Variants in NDST1 observed in about 807,000 individuals in gnomAD.
NDST1 encodes bifunctional heparan sulfate N-deacetylase/N-sulfotransferase 1.
A neutral mutation model predicts 92.8 loss-of-function variants in NDST1; 35 were observed. The observed-to-expected ratio is 0.38, with a 90% CI of 0.29 to 0.50. The LOEUF (loss-of-function observed/expected upper bound fraction) is 0.50. Among genes scored for constraint, NDST1 ranks in the 20% least tolerant of loss-of-function variants. The probability of loss-of-function intolerance (pLI) is 0.94; values close to 1 mark genes in which losing one functional copy is unlikely to be tolerated. For synonymous variants in NDST1, 493 were observed against 500.3 expected (o/e 0.99, Z 0.19); for missense variants, 822 against 1,182.7 (o/e 0.69, Z 4.47).
At chr5:150,543,118 G>A (rs1581402205) in intron 10 of NDST1, 147 bp downstream of exon 10, 1 of 1,121,080 alleles carries the variant, frequency 8.9e-7, no homozygotes. Flanking sequence ...AGTGACCCTT[G>A]AATCATGGTG....
intron 1 of NDST1, among the ~76,000 whole-genome samples, chr5:150,519,640 A>T (rs1430009133): frequency 6.6e-6 from 1 of 151,936 alleles, no homozygotes; most frequent in Non-Finnish European, 1.5e-5. Context: ...GCGAGCCGAG[A>T]TTGCACCATT....
chr5:150,553,140 C>T lies in NDST1; in HGVS notation c.2530-73C>T, dbSNP rs544682497. On this transcript the variant is annotated intron_variant, in intron 14 of 14. Coordinates refer to ENST00000261797, the MANE Select transcript of NDST1 (RefSeq NM_001543.5). This position sits in a 1 kb window ranked among gnomAD's most constrained non-coding sequence, Gnocchi z 4.2. Reference sequence around the variant, plus strand: ...ACAGGCATGAGCCACCGTGCCCGGCCGAGCATGGCGATTTTTAGAGGAGGT... The same window carrying T: ...ACAGGCATGAGCCACCGTGCCCGGCTGAGCATGGCGATTTTTAGAGGAGGT... 428 of 1,547,834 alleles carry T rather than the reference C, an allele frequency of 2.8e-4. No individual in the cohort carries two copies. Among genetic ancestry groups the T allele is most frequent in the African/African-American group, 3.4e-4 (25 of 73,196 alleles).
chr5:150,525,157 G>A (rs2151274895), intron 2 of NDST1, among the ~76,000 whole-genome samples: 1 of 152,274 alleles, frequency 6.6e-6, no homozygotes, highest in Non-Finnish European at 1.5e-5. Context: ...TGAGGAGCAA[G>A]AGGGATTTCC....
chr5:150,527,718 G>A lies in NDST1; in HGVS notation c.514-86G>A, dbSNP rs1008258319. 2.5e-6 allele frequency: 4 copies of A among 1,586,618 alleles called. No individual in the cohort carries two copies. In the African/African-American group the frequency reaches 4.0e-5, roughly 16 times the overall value. On this transcript the variant is annotated intron_variant, in intron 2 of 14. Coordinates refer to ENST00000261797, the MANE Select transcript of NDST1 (RefSeq NM_001543.5). ...AATGTTGGTGAATATTGATACCACTGTTATGGTCCACATGTGAGAGACTGT... is the reference window on the plus strand; with the variant it reads ...AATGTTGGTGAATATTGATACCACTATTATGGTCCACATGTGAGAGACTGT...
intron 10 of NDST1, among the ~76,000 whole-genome samples, chr5:150,543,563 T>C (rs1755342854): frequency 6.6e-6 from 1 of 152,222 alleles, no homozygotes; most frequent in Non-Finnish European, 1.5e-5. Context: ...TATTTGCCTT[T>C]TTTCTTTCTT....
intron 1 of NDST1, among the ~76,000 whole-genome samples, chr5:150,520,608 C>T (rs1754203942): frequency 6.6e-6 from 1 of 152,186 alleles, no homozygotes; most frequent in Admixed American, 6.5e-5. Context: ...CTAGGTACTG[C>T]TTTAAGTCGT....
chr5:150,533,103 C>T, intron 4 of NDST1, 71 bp downstream of exon 4: 1 of 1,446,838 alleles, frequency 6.9e-7, no homozygotes, highest in East Asian at 2.3e-5. Flanking sequence ...TCAAAGCACC[C>T]ATCCATGAGG....
rs189585838 is a variant in NDST1, at chr5:150,553,187, G to A, written c.2530-26G>A. 6.2e-7 allele frequency: 1 copy of A among 1,609,332 alleles called. No homozygotes were observed. Among genetic ancestry groups the A allele is most frequent in the South Asian group, 1.1e-5 (1 of 90,912 alleles). On this transcript the variant is annotated intron_variant, in intron 14 of 14. Transcript: ENST00000261797. This position sits in a 1 kb window ranked among gnomAD's most constrained non-coding sequence, Gnocchi z 4.2. ...AGGTCACTCTTAAGTCAGTACACAAGGTCTGAGCTTTCCTTCCCGTTACAG... is the reference window on the plus strand; with the variant it reads ...AGGTCACTCTTAAGTCAGTACACAAAGTCTGAGCTTTCCTTCCCGTTACAG...
At chr5:150,511,270 C>T (rs992892047) in intron 1 of NDST1, among the ~76,000 whole-genome samples, 1 of 152,208 alleles carries the variant, frequency 6.6e-6, no homozygotes, top group South Asian at 2.1e-4. Flanking sequence ...GGCAAGGGCA[C>T]AAGGCTCTTG....
In NDST1 at chr5:150,549,755, G is replaced by A. The variant is rs773106073; in HGVS notation, c.2394G>A (p.Val798=). ...VMDMVQKFLG[V]TNTIDYHKTL... is the part of the protein sequence containing the mutation. The stretch of plus-strand genomic sequence containing the variant: ...ACATGGTGCAGAAGTTCCTTGGGGT[G>A]ACCAACACCATTGACTACCACAAAA... Residue 798 remains valine, a synonymous_variant, in exon 13 of 15, where the codon GTG becomes GTA. Coordinates refer to ENST00000261797, the MANE Select transcript of NDST1 (RefSeq NM_001543.5). 1.9e-6 allele frequency: 3 copies of A among 1,613,324 alleles called. No individual in the cohort carries two copies. Among genetic ancestry groups the A allele is most frequent in the African/African-American group, 1.3e-5 (1 of 74,908 alleles).
intron 3 of NDST1, 146 bp downstream of exon 3, chr5:150,528,444 G>T (rs1754569311): frequency 8.6e-6 from 8 of 924,966 alleles, no homozygotes; most frequent in Non-Finnish European, 1.1e-5. Flanking sequence ...TTCCTGTCCT[G>T]CCAGTTGGTT....
chr5:150,511,656 T>C (rs1753727101), intron 1 of NDST1, among the ~76,000 whole-genome samples: 2 of 152,000 alleles, frequency 1.3e-5, no homozygotes, highest in Admixed American at 1.3e-4. Context: ...CAACAGTCTC[T>C]TTCCCGGTGG....
At position 150,541,560 on chromosome 5, in the gene NDST1, G is replaced by A. The variant is rs1407743825; in HGVS notation, c.1750-10G>A. 1.2e-6 allele frequency: 2 copies of A among 1,614,062 alleles called. No homozygotes were observed. The highest frequency in any genetic ancestry group is 1.7e-4 in the Middle Eastern group (1 of 6,060). ...GGGCGCCCCACACATCCCTTCCACT[G>A]TTGTTTTAGGACCCCTGCGAGGACA... is the stretch of plus-strand genomic sequence containing the variant. On this transcript the variant is annotated splice_polypyrimidine_tract_variant and intron_variant, in intron 8 of 14. Transcript: ENST00000261797.
At chr5:150,533,062 C>T (rs1397836158) in intron 4 of NDST1, 30 bp downstream of exon 4, 1 of 1,599,360 alleles carries the variant, frequency 6.3e-7, no homozygotes, top group Admixed American at 1.7e-5. Flanking sequence ...CCCTCACTAG[C>T]AACTTCCAGG....
intron 1 of NDST1, among the ~76,000 whole-genome samples, chr5:150,502,250 C>T (rs770697550): frequency 4.6e-5 from 7 of 151,854 alleles, no homozygotes; most frequent in South Asian, 2.1e-4. Flanking sequence ...AGAGGTTGGG[C>T]GAGTCAGTGG....
At chr5:150,552,577 C>T (rs1251554694) in intron 14 of NDST1, 1 of 178,272 alleles carries the variant, frequency 5.6e-6, no homozygotes, top group African/African-American at 2.4e-5. Flanking sequence ...AGCCTCGACC[C>T]CCTGGGCTCA....
At chr5:150,498,384 G>C (rs1753086473) in intron 1 of NDST1, 1 of 152,258 alleles carries the variant, frequency 6.6e-6, no homozygotes, top group Non-Finnish European at 1.5e-5. Flanking sequence ...GTAAAAGTTT[G>C]CTGTTGGTAG....
At chr5:150,541,696 C>T (rs1025386207) in intron 9 of NDST1, 30 bp downstream of exon 9, 1 of 1,595,508 alleles carries the variant, frequency 6.3e-7, no homozygotes, top group African/African-American at 1.3e-5. Flanking sequence ...ACCGAGCTTC[C>T]CCAACTGCCT....
Position 150,553,807 on chromosome 5 carries a change from GC to G in NDST1, c.*477del, listed in dbSNP as rs1408012322. ...GTTTCGAGCCAGGCTCTTCCAAGGG[GC>G]CAGCTGGGTCCCCGGAGTCAGTCCT... On this transcript the variant is annotated 3_prime_UTR_variant, in exon 15 of 15. Transcript: ENST00000261797. This position sits in a 1 kb window ranked among gnomAD's most constrained non-coding sequence, Gnocchi z 4.2. The G allele has an allele frequency of 2.2e-6, 1 of 453,826 alleles. No homozygotes were observed. 28.1% of individuals were successfully genotyped at this position (453,826 alleles called of 1,614,324 possible).
Sources: gnomAD v4.1 joint callset for allele counts (sites outside exome capture counted in the v4.1 genomes callset) on GRCh38, gnomAD v4.1.1 for gene constraint, Gnocchi (gnomAD v3.1) non-coding constraint, MANE v1.5 for transcripts, NCBI Gene and HGNC (gene_info 2026-07-23, HGNC 2026-07-21) for gene names.